DOCK3: variants seen among roughly 807,000 people sequenced by gnomAD.
DOCK3 encodes dedicator of cytokinesis 3, also known as dedicator of cytokinesis protein 3.
Under a neutral mutation model 265.6 loss-of-function variants are expected in DOCK3, and 60 were observed. The observed-to-expected ratio is 0.23, with a 90% confidence interval of 0.18 to 0.28. DOCK3 has a LOEUF of 0.28. Ranked by LOEUF, DOCK3 falls within the 10% of genes least tolerant of loss-of-function variation. The pLI is 1.00. For missense variants in DOCK3, 1,981 were observed against 2,594.3 expected, an observed-to-expected ratio of 0.76 and a Z score of 5.14; for synonymous variants, 881 against 938.0, an observed-to-expected ratio of 0.94 and a Z score of 1.11.
intron 2 of DOCK3, among the ~76,000 whole-genome samples, chr3:50,816,093 A>T (rs951005786): frequency 5.3e-5 from 8 of 151,994 alleles, no homozygotes; most frequent in Non-Finnish European, 1.2e-4. Flanking sequence ...GGCACTTAAC[A>T]TGAGTAACTT....
intron 9 of DOCK3, among the ~76,000 whole-genome samples, chr3:51,119,254 G>A (rs1011790376): frequency 6.6e-6 from 1 of 152,084 alleles, no homozygotes; most frequent in Non-Finnish European, 1.5e-5. Context: ...GATATTCTGG[G>A]TTGAAAATTC....
At chr3:50,878,892 C>T (rs2047866265) in intron 3 of DOCK3, among the ~76,000 whole-genome samples, 1 of 152,144 alleles carries the variant, frequency 6.6e-6, no homozygotes, top group Non-Finnish European at 1.5e-5. Flanking sequence ...AGTCGGGTTA[C>T]CCACAAAGGG....
intron 12 of DOCK3, among the ~76,000 whole-genome samples, chr3:51,198,089 G>A (rs1470636070): frequency 6.6e-6 from 1 of 152,218 alleles, no homozygotes; most frequent in African/African-American, 2.4e-5. Flanking sequence ...TTTCTGTCAT[G>A]CCTCAGTCCT....
chr3:51,168,544 T>C (rs1396112091), intron 12 of DOCK3, among the ~76,000 whole-genome samples: 4 of 152,156 alleles, frequency 2.6e-5, no homozygotes, highest in Non-Finnish European at 5.9e-5. Context: ...GCAATAAGTA[T>C]AAGATTGAAA....
At chr3:51,210,357 G>T (rs1287559313) in intron 13 of DOCK3, among the ~76,000 whole-genome samples, 1 of 152,208 alleles carries the variant, frequency 6.6e-6, no homozygotes, top group Non-Finnish European at 1.5e-5. Flanking sequence ...ACTTCAGAGA[G>T]CCTCAGTTAG....
Position 50,913,666 on chromosome 3 carries a change from A to G in DOCK3, c.219-20315A>G, listed in dbSNP as rs757128272. On this transcript the variant is annotated intron_variant, in intron 4 of 52. Coordinates refer to ENST00000266037, the MANE Select transcript of DOCK3 (RefSeq NM_004947.5). ...CCCTTCTGGCTACAGCTGGTTTACA[A>G]TGATCCCTTCGTTGGTGGGCATCAG... Among the ~76,000 whole-genome samples, 12 of 152,082 alleles carry G rather than the reference A, an allele frequency of 7.9e-5. 1 individual carries two copies. Among genetic ancestry groups the G allele is most frequent in the African/African-American group, 2.9e-4 (12 of 41,346 alleles).
chr3:50,819,725 G>T (rs2106894202), intron 2 of DOCK3, among the ~76,000 whole-genome samples: 1 of 152,358 alleles, frequency 6.6e-6, no homozygotes, highest in African/African-American at 2.4e-5. Context: ...AATTTGGGAA[G>T]CCAGGGCAGG....
intron 5 of DOCK3, among the ~76,000 whole-genome samples, chr3:51,020,316 T>G (rs545411423): frequency 6.6e-6 from 1 of 151,862 alleles, no homozygotes; most frequent in Non-Finnish European, 1.5e-5. Context: ...TTAGTGGGGT[T>G]GTTTGTTTTT....
At chr3:51,372,129 CT>C (rs1317046822) in intron 49 of DOCK3, among the ~76,000 whole-genome samples, 5 of 152,130 alleles carry the variant, frequency 3.3e-5, no homozygotes, top group African/African-American at 1.2e-4. Context: ...CACCTAAACT[CT>C]TGTGAGTTGA....
chr3:50,855,053 AGGTTATGTGATGCTCCTG>A (rs1342984180), intron 3 of DOCK3, among the ~76,000 whole-genome samples: 1 of 152,074 alleles, frequency 6.6e-6, no homozygotes, highest in African/African-American at 2.4e-5. Flanking sequence ...GTTTGAAGTT[AGGTTATGTGATGCTCCTG>A]GGTTTGTTCT....
intron 14 of DOCK3, among the ~76,000 whole-genome samples, chr3:51,223,637 T>G (rs1455932001): frequency 6.6e-6 from 1 of 152,120 alleles, no homozygotes; most frequent in Non-Finnish European, 1.5e-5. Flanking sequence ...ATAGGAAAAC[T>G]AATGTGCAAT....
chr3:51,050,884 G>A (rs1004875766), intron 5 of DOCK3, among the ~76,000 whole-genome samples: 4 of 151,986 alleles, frequency 2.6e-5, no homozygotes, highest in South Asian at 4.2e-4. Flanking sequence ...TAACCATCAC[G>A]TATAGCATTA....
chr3:51,261,845 A>T (rs1560306641), intron 23 of DOCK3, among the ~76,000 whole-genome samples: 1 of 152,184 alleles, frequency 6.6e-6, no homozygotes, highest in African/African-American at 2.4e-5. Flanking sequence ...AAGCCACTGT[A>T]GCCAGACTGC....
At chr3:51,250,181 T>A (rs1184881391) in intron 22 of DOCK3, among the ~76,000 whole-genome samples, 1 of 151,222 alleles carries the variant, frequency 6.6e-6, no homozygotes, top group Non-Finnish European at 1.5e-5. Context: ...AGACCTTTGT[T>A]CACTTGTTTA....
chr3:51,184,690 A>G (rs1242238450), intron 12 of DOCK3, among the ~76,000 whole-genome samples: 2 of 152,348 alleles, frequency 1.3e-5, no homozygotes, highest in African/African-American at 2.4e-5. Flanking sequence ...TAACGTATGC[A>G]TATAGATACT....
Position 51,012,677 on chromosome 3 carries a change from C to T in DOCK3, c.316-51771C>T, listed in dbSNP as rs145069992. 3.2e-3 allele frequency among the ~76,000 whole-genome samples: 492 copies of T among 152,206 alleles called. 1 individual carries two copies. Among genetic ancestry groups the T allele is most frequent in the Non-Finnish European group, 5.5e-3 (373 of 68,022 alleles). Reference sequence around the variant, plus strand: ...TCCTGCACCCACTGTCCGATAAGCCCCAATGAGATGAACCTGGTACCTCAG... The same window carrying T: ...TCCTGCACCCACTGTCCGATAAGCCTCAATGAGATGAACCTGGTACCTCAG... On this transcript the variant is annotated intron_variant, in intron 5 of 52. Coordinates refer to ENST00000266037, the MANE Select transcript of DOCK3 (RefSeq NM_004947.5).
At chr3:51,140,496 C>G (rs191914648) in intron 9 of DOCK3, among the ~76,000 whole-genome samples, 1 of 152,178 alleles carries the variant, frequency 6.6e-6, no homozygotes. Flanking sequence ...TTTTATTTAT[C>G]CACTTGTCAG....
chr3:50,678,526 T>C (rs1244254339), intron 1 of DOCK3, among the ~76,000 whole-genome samples: 1 of 152,240 alleles, frequency 6.6e-6, no homozygotes, highest in African/African-American at 2.4e-5. Flanking sequence ...TGTTTGTAAT[T>C]ACACTCCTTG....
chr3:50,835,954 A>C (rs1489652826), intron 2 of DOCK3, among the ~76,000 whole-genome samples: 1 of 152,306 alleles, frequency 6.6e-6, no homozygotes, highest in Admixed American at 6.5e-5. Context: ...AAACATGCAA[A>C]GAGCCAAGTA....
Sources: gnomAD v4.1 joint callset for allele counts (sites outside exome capture counted in the v4.1 genomes callset) on GRCh38, gnomAD v4.1.1 for gene constraint, MANE v1.5 for transcripts, NCBI Gene and HGNC (gene_info 2026-07-23, HGNC 2026-07-21) for gene names.